Variants in ALKBH3 observed in about 807,000 individuals in gnomAD.
ALKBH3 encodes alpha-ketoglutarate-dependent dioxygenase alkB homolog 3.
In ALKBH3, 51 loss-of-function variants were observed where a neutral mutation model predicts 43.9. The ratio of observed to expected loss-of-function variants is 1.16; its 90% CI spans 0.93 to 1.47. The LOEUF (loss-of-function observed/expected upper bound fraction) is 1.47, where lower values mean the gene tolerates loss of function less well. ALKBH3 is among the 40% of genes most tolerant of loss of function. ALKBH3 has a pLI of 0.00. For synonymous variants in ALKBH3, 102 were observed against 115.2 expected (o/e 0.89, Z 0.73); for missense variants, 361 against 351.9 (o/e 1.03, Z -0.21).
chr11:43,884,120 A>G (rs1951732201), intron 4 of ALKBH3, 103 bp downstream of exon 4: 3 of 1,383,922 alleles, frequency 2.2e-6, no homozygotes, highest in East Asian at 2.3e-5. Context: ...TGGCCCAATA[A>G]GTGTCTTAAC....
chr11:43,880,888 CAAGT>C lies in ALKBH3; in HGVS notation c.-361_-358del, dbSNP rs1363064842. 1 of 152,312 alleles carries C rather than the reference CAAGT, an allele frequency of 6.6e-6. No individual in the cohort carries two copies. The allele number at this position is 152,312 out of a possible 1,614,324, so 9.4% of individuals were successfully genotyped here. A position where few individuals can be genotyped will look rare whatever the true frequency, so the allele number is the denominator to read the frequency against. On this transcript the variant is annotated 5_prime_UTR_variant, in exon 1 of 10. Coordinates refer to ENST00000302708, the MANE Select transcript of ALKBH3 (RefSeq NM_139178.4). ...GGGTCAGGGGCTGCGAGGGCTGCCC[CAAGT>C]CCTACCGGGTTTGCACGGGCGCGCC...
At chr11:43,916,145 T>G (rs539294771) in intron 8 of ALKBH3, among the ~76,000 whole-genome samples, 3 of 152,346 alleles carry the variant, frequency 2.0e-5, no homozygotes, top group African/African-American at 7.2e-5. Context: ...CAGTATGAAT[T>G]ACCTTTCCAA....
chr11:43,905,059 C>T (rs747127379), intron 8 of ALKBH3, among the ~76,000 whole-genome samples: 8 of 152,112 alleles, frequency 5.3e-5, no homozygotes, highest in Non-Finnish European at 1.0e-4. Flanking sequence ...GCATCTCAGG[C>T]GGACATGGAA....
At chr11:43,900,518 G>A (rs1313536668) in intron 7 of ALKBH3, among the ~76,000 whole-genome samples, 1 of 151,960 alleles carries the variant, frequency 6.6e-6, no homozygotes, top group Admixed American at 6.6e-5. Context: ...CATGTTGCCT[G>A]GCCTGTCCTT....
intron 8 of ALKBH3, chr11:43,916,693 A>G (rs996487422): frequency 4.6e-5 from 7 of 152,204 alleles, no homozygotes; most frequent in African/African-American, 1.4e-4. Flanking sequence ...TTGCTTATCC[A>G]TTTATCAACT....
intron 7 of ALKBH3, chr11:43,897,342 A>C (rs750335965): frequency 1.5e-6 from 1 of 660,198 alleles, no homozygotes; most frequent in East Asian, 3.2e-5. Flanking sequence ...GCTCCTTGAG[A>C]ATATTCAGTT....
chr11:43,895,326 CTGT>C (rs1951811310), intron 7 of ALKBH3, among the ~76,000 whole-genome samples: 1 of 152,220 alleles, frequency 6.6e-6, no homozygotes, highest in African/African-American at 2.4e-5. Flanking sequence ...TTCCCCCTTA[CTGT>C]TCTCATGGTA....
intron 7 of ALKBH3, among the ~76,000 whole-genome samples, chr11:43,895,007 T>G (rs147405181): frequency 6.6e-6 from 1 of 152,344 alleles, no homozygotes; most frequent in East Asian, 1.9e-4. Flanking sequence ...TAAAATCCTC[T>G]GCTTAGAATA....
chr11:43,915,618 C>T (rs1951977753), intron 8 of ALKBH3, among the ~76,000 whole-genome samples: 1 of 151,808 alleles, frequency 6.6e-6, no homozygotes, highest in Admixed American at 6.6e-5. Context: ...AGCATAATGC[C>T]TGATATATAC....
At chr11:43,890,282 C>T (rs1432796928) in intron 6 of ALKBH3, among the ~76,000 whole-genome samples, 1 of 152,148 alleles carries the variant, frequency 6.6e-6, no homozygotes, top group Non-Finnish European at 1.5e-5. Flanking sequence ...AGTCCAGTCT[C>T]CTCTAGCTTC....
At chr11:43,882,896 G>A in intron 2 of ALKBH3, 165 bp downstream of exon 2, 2 of 899,274 alleles carry the variant, frequency 2.2e-6, no homozygotes, top group Non-Finnish European at 3.3e-6. Context: ...TGAGCTAAGG[G>A]TGGGTCTTTA....
At chr11:43,910,067 T>C (rs936242262) in intron 8 of ALKBH3, 2 of 152,240 alleles carry the variant, frequency 1.3e-5, no homozygotes, top group African/African-American at 4.8e-5. Context: ...GCCCATGTAT[T>C]ACCTGCGTTT....
At chr11:43,913,497 A>C (rs1951957947) in intron 8 of ALKBH3, among the ~76,000 whole-genome samples, 1 of 152,244 alleles carries the variant, frequency 6.6e-6, no homozygotes, top group African/African-American at 2.4e-5. Flanking sequence ...AACTCTGTCC[A>C]TTGCTTGAAA....
intron 7 of ALKBH3, chr11:43,898,630 G>A: frequency 1.4e-6 from 1 of 733,712 alleles, no homozygotes; most frequent in South Asian, 1.4e-5. Flanking sequence ...CTTGGAAGGG[G>A]TGAACATGCG....
chr11:43,905,005 A>G (rs1370759638), intron 8 of ALKBH3, among the ~76,000 whole-genome samples: 1 of 152,104 alleles, frequency 6.6e-6, no homozygotes, highest in Non-Finnish European at 1.5e-5. Flanking sequence ...GCTTTGACCC[A>G]TCGGAGGAGA....
chr11:43,900,800 A>G (rs558272426), intron 7 of ALKBH3, among the ~76,000 whole-genome samples: 1 of 152,158 alleles, frequency 6.6e-6, no homozygotes, highest in Non-Finnish European at 1.5e-5. Context: ...TTCCTGTAAT[A>G]TACATGGCAA....
In ALKBH3 at chr11:43,905,859, G is replaced by GA. The variant is rs529211791; in HGVS notation, c.669+4141dup. On this transcript the variant is annotated intron_variant, in intron 8 of 9. Coordinates refer to ENST00000302708, the MANE Select transcript of ALKBH3 (RefSeq NM_139178.4). ...TCCCAGCTAGTTTTAATTCTATACT[G>GA]AAAAAAACAAGCTGGAAAAGGAACT... Among the ~76,000 whole-genome samples, 77 of 152,082 alleles carry GA rather than the reference G, an allele frequency of 5.1e-4. No individual in the cohort carries two copies. The East Asian group carries it at 6.0e-3, about 12-fold the overall frequency.
At chr11:43,918,368 C>G (rs1438296331) in intron 8 of ALKBH3, among the ~76,000 whole-genome samples, 1 of 152,168 alleles carries the variant, frequency 6.6e-6, no homozygotes, top group Non-Finnish European at 1.5e-5. Context: ...AGTCGTGATC[C>G]ATCCTCAAAG....
intron 8 of ALKBH3, among the ~76,000 whole-genome samples, chr11:43,917,231 C>T (rs980349425): frequency 2.0e-5 from 3 of 152,204 alleles, no homozygotes; most frequent in Admixed American, 1.3e-4. Flanking sequence ...TGATACATTT[C>T]GGAATTCTCT....
Sources: gnomAD v4.1 joint callset for allele counts (sites outside exome capture counted in the v4.1 genomes callset) on GRCh38, gnomAD v4.1.1 for gene constraint, MANE v1.5 for transcripts, NCBI Gene and HGNC (gene_info 2026-07-23, HGNC 2026-07-21) for gene names.